The following KHK variants were observed in gnomAD, a reference collection of about 807,000 sequenced individuals.
KHK encodes the protein fructokinase.
A neutral mutation model predicts 36.0 loss-of-function variants in KHK; 37 were observed. The ratio of observed to expected loss-of-function variants is 1.03; its 90% CI spans 0.79 to 1.35. KHK has a LOEUF of 1.35. Ranked by LOEUF, KHK falls within the 40% of genes most tolerant of loss-of-function variation. The pLI is 0.00. For missense variants in KHK, 395 were observed against 391.9 expected (o/e 1.01, Z -0.07); for synonymous variants, 161 against 162.8 (o/e 0.99, Z 0.08).
Position 27,099,399 on chromosome 2 carries a change from C to T in KHK, c.654-21C>T, listed in dbSNP as rs772413859. On this transcript the variant is annotated intron_variant, in intron 6 of 7. Transcript: ENST00000260598. ...GGGGACGGGGTGGGCTAACACCCAG[C>T]TGAGTGGAGCCGTCTTGCAGGGCTG... is the stretch of plus-strand genomic sequence containing the variant. 3.1e-6 allele frequency: 5 copies of T among 1,612,728 alleles called. No individual in the cohort carries two copies. In the South Asian group the frequency reaches 5.5e-5, roughly 18 times the overall value.
intron 5 of KHK, 101 bp downstream of exon 5, chr2:27,097,750 TTCC>T: frequency 6.5e-7 from 1 of 1,540,384 alleles, no homozygotes; most frequent in Non-Finnish European, 8.9e-7. Context: ...GGAATAGTGG[TTCC>T]TGGTTTGGTG....
rs973664792 is a variant in KHK at position 27,092,402 on chromosome 2, G to C, written c.163G>C (p.Ala55Pro). 6.8e-6 allele frequency: 11 copies of C among 1,613,438 alleles called. No individual in the cohort carries two copies. The highest frequency in any genetic ancestry group is 9.3e-6 in the Non-Finnish European group (11 of 1,179,964). The change falls in exon 2 of 8, where the codon GCC (alanine) becomes CCC (proline). Residue 55 changes from alanine to proline, a missense_variant. By Grantham distance (27) the Ala-to-Pro change is conservative. Coordinates refer to ENST00000260598, the MANE Select transcript of KHK (RefSeq NM_006488.3). ...NSCTVLSLLGAPCAFMGSMAP... is the reference protein window; with the variant it reads ...NSCTVLSLLGPPCAFMGSMAP... ...CTGCACCGTTCTCTCCCTGCTCGGA[G>C]CCCCCTGTGCCTTCATGGGCTCAAT...
chr2:27,098,693 T>C (rs1670567253), intron 5 of KHK, among the ~76,000 whole-genome samples: 1 of 152,136 alleles, frequency 6.6e-6, no homozygotes, highest in Non-Finnish European at 1.5e-5. Flanking sequence ...CTCTTTGTTT[T>C]CCAGATGAAG....
Position 27,094,938 on chromosome 2 carries a change from AGGCCCCC to A in KHK, c.344+7_344+13del. 6.2e-7 allele frequency: 1 copy of A among 1,613,826 alleles called. No homozygotes were observed. The highest frequency in any genetic ancestry group is 1.7e-5 in the Admixed American group (1 of 60,032). ...GTACCATTGTGCTCCATGACACGTA[AGGCCCCC>A]GGGCCTCGCCCTGCTACAACCCACC... On this transcript the variant is annotated splice_donor_5th_base_variant and intron_variant, in intron 3 of 7. Coordinates refer to ENST00000260598, the MANE Select transcript of KHK (RefSeq NM_006488.3).
At chr2:27,096,044 G>A (rs1468197249) in intron 3 of KHK, among the ~76,000 whole-genome samples, 1 of 152,210 alleles carries the variant, frequency 6.6e-6, no homozygotes, top group African/African-American at 2.4e-5. Flanking sequence ...ATTTATCAAT[G>A]TGGAAGTTGC....
At chr2:27,088,689 G>A (rs1460414847) in intron 1 of KHK, among the ~76,000 whole-genome samples, 1 of 151,416 alleles carries the variant, frequency 6.6e-6, no homozygotes, top group African/African-American at 2.4e-5. Flanking sequence ...CCCCCAAAGT[G>A]CTGGGATTAC....
At position 27,097,799 on chromosome 2, in the gene KHK, A is replaced by C. The variant is rs78701312; in HGVS notation, c.564+150A>C. 9,170 of 1,125,474 alleles carry C rather than the reference A, an allele frequency of 8.1e-3. 530 individuals are homozygous for C. In the African/African-American group the frequency reaches 0.12, roughly 15 times the overall value. The allele number at this position is 1,125,474 out of a possible 1,614,324, so 69.7% of individuals were successfully genotyped here. On this transcript the variant is annotated intron_variant, in intron 5 of 7. Transcript: ENST00000260598. ...ATGGGGGATGGGGGTTAAAGCAAAG[A>C]AGTAGACCCCTAGCCTTGGGCTCCA...
intron 1 of KHK, among the ~76,000 whole-genome samples, chr2:27,090,455 T>TC (rs1484060181): frequency 3.1e-4 from 45 of 144,956 alleles, no homozygotes; most frequent in South Asian, 1.3e-3. Context: ...TTTCTTTCTT[T>TC]TTTTTTTTTT....
chr2:27,093,441 T>C (rs1309544381), intron 2 of KHK, among the ~76,000 whole-genome samples: 1 of 152,180 alleles, frequency 6.6e-6, no homozygotes, highest in East Asian at 1.9e-4. Context: ...GGGTGGTTTA[T>C]TCAGAATTCT....
intron 5 of KHK, 180 bp from the exon 6 acceptor site, chr2:27,099,016 A>G (rs1262600018): frequency 1.1e-5 from 7 of 641,916 alleles, no homozygotes; most frequent in South Asian, 1.6e-5. Flanking sequence ...CCTCAGGGAG[A>G]CCATCTTCAC....
intron 2 of KHK, among the ~76,000 whole-genome samples, chr2:27,093,154 G>T (rs968323971): frequency 6.6e-6 from 1 of 152,230 alleles, no homozygotes; most frequent in African/African-American, 2.4e-5. Flanking sequence ...CTGCCAGGTT[G>T]CTGGCCTGTG....
chr2:27,093,419 A>C (rs1028303438), intron 2 of KHK, among the ~76,000 whole-genome samples: 3 of 152,160 alleles, frequency 2.0e-5, no homozygotes, highest in Admixed American at 6.5e-5. Flanking sequence ...TTTACATAGC[A>C]ATCAGGCCAA....
In KHK at chr2:27,099,535, G is replaced by C. The variant is rs141220653; in HGVS notation, c.769G>C (p.Gly257Arg). The C allele has an allele frequency of 6.2e-7, 1 of 1,614,076 alleles. No individual in the cohort carries two copies. The highest frequency in any genetic ancestry group is 8.5e-7 in the Non-Finnish European group (1 of 1,180,034). Residue 257 changes from glycine to arginine, a missense_variant, in exon 7 of 8, where the codon GGA (glycine) becomes CGA (arginine). Gly to Arg is a moderately radical substitution (Grantham distance 125). Transcript: ENST00000260598. ...CCGCGTGGTGGATACACTGGGAGCT[G>C]GAGACACCTTCAATGCCTCCGTCAT... ...PPRVVDTLGA[G>R]DTFNASVIFS...
chr2:27,087,370 C>T lies in KHK; in HGVS notation c.92+19C>T. The T allele has an allele frequency of 1.3e-6, 2 of 1,548,872 alleles. No homozygotes were observed. The highest frequency in any genetic ancestry group is 1.2e-5 in the South Asian group (1 of 84,758). On this transcript the variant is annotated intron_variant, in intron 1 of 7. Transcript: ENST00000260598. ...AGATAAGGTAGGGGCGCCCAGGTCCCCTAGGGGACCCCAGGGGCTGCTGCA... is the reference window on the plus strand; with the variant it reads ...AGATAAGGTAGGGGCGCCCAGGTCCTCTAGGGGACCCCAGGGGCTGCTGCA...
At chr2:27,094,574 G>A (rs1431340793) in intron 2 of KHK, 12 of 1,614,106 alleles carry the variant, frequency 7.4e-6, no homozygotes, top group Middle Eastern at 1.6e-4. Flanking sequence ...CATCATCAAC[G>A]AGGCCAGTGG....
chr2:27,098,737 A>C (rs992678403), intron 5 of KHK, among the ~76,000 whole-genome samples: 1 of 152,186 alleles, frequency 6.6e-6, no homozygotes, highest in Non-Finnish European at 1.5e-5. Flanking sequence ...TGTGGGAAAA[A>C]CCAGCAAAAC....
chr2:27,100,378 C>A lies in KHK; in HGVS notation c.*628C>A, dbSNP rs1278528901. ...GTCCAGAAATACCTCCTCCCGCTGA[C>A]TGCCCCAGAGCCTGAAAGTCTCACC... On this transcript the variant is annotated 3_prime_UTR_variant, in exon 8 of 8. Coordinates refer to ENST00000260598, the MANE Select transcript of KHK (RefSeq NM_006488.3). 1 of 1,239,278 alleles carries A rather than the reference C, an allele frequency of 8.1e-7. No individual in the cohort carries two copies. The highest frequency in any genetic ancestry group is 5.6e-5 in the East Asian group (1 of 17,892). 76.8% of individuals were successfully genotyped at this position (1,239,278 alleles called of 1,614,324 possible).
In KHK at chr2:27,099,439, T is replaced by G. The variant is rs751508802; in HGVS notation, c.673T>G (p.Trp225Gly). ...TTGCAGGGCTGTGCTTGTCTGTGCCTGGGCTGAGGAGGGCGCCGACGCCCT... is the reference window on the plus strand; with the variant it reads ...TTGCAGGGCTGTGCTTGTCTGTGCCGGGGCTGAGGAGGGCGCCGACGCCCT... Reference protein sequence around the residue: ...VRKGAVLVCAWAEEGADALGP... With the variant: ...VRKGAVLVCAGAEEGADALGP... The change falls in exon 7 of 8, where the codon TGG (tryptophan) becomes GGG (glycine). Residue 225 changes from tryptophan to glycine, a missense_variant. Physicochemically the swap from Trp to Gly is radical, Grantham distance 184 (BLOSUM62 -2). Coordinates refer to ENST00000260598, the MANE Select transcript of KHK (RefSeq NM_006488.3). The G allele has an allele frequency of 2.7e-5, 44 of 1,613,870 alleles. No individual in the cohort carries two copies. The highest frequency in any genetic ancestry group is 3.7e-5 in the Non-Finnish European group (44 of 1,179,910).
At chr2:27,094,222 C>T in intron 2 of KHK, 2 of 546,778 alleles carry the variant, frequency 3.7e-6, no homozygotes, top group East Asian at 6.6e-5. Context: ...AAAACAGAGT[C>T]AGGATCGGAG....
Sources: gnomAD v4.1 joint callset for allele counts (sites outside exome capture counted in the v4.1 genomes callset) on GRCh38, gnomAD v4.1.1 for gene constraint, MANE v1.5 for transcripts, NCBI Gene and HGNC (gene_info 2026-07-23, HGNC 2026-07-21) for gene names.